Variants in HNRNPK observed in about 807,000 individuals in gnomAD.
HNRNPK encodes the protein heterogeneous nuclear ribonucleoprotein K, also known as dC-stretch binding protein.
A neutral mutation model predicts 67.0 loss-of-function variants in HNRNPK; 7 were observed. The ratio of observed to expected loss-of-function variants is 0.10; its 90% CI spans 0.06 to 0.20. HNRNPK has a LOEUF of 0.20. Among genes scored for constraint, HNRNPK ranks in the 10% least tolerant of loss-of-function variants. HNRNPK has a pLI of 1.00. For missense variants in HNRNPK, 264 were observed against 606.5 expected (o/e 0.44, Z 5.93); for synonymous variants, 213 against 193.7 (o/e 1.10, Z -0.83).
At position 83,969,180 on chromosome 9, in the gene HNRNPK, T is replaced by TG; in HGVS notation, c.*226_*227insC. On this transcript the variant is annotated 3_prime_UTR_variant, in exon 17 of 17. Transcript: ENST00000376263. ...TTCAATGTTAGTTTTTGCACGCCCT[T>TG]CCCCCCCCCAACCCTGTTTGTAAGG... 1 of 512,972 alleles carries TG rather than the reference T, an allele frequency of 1.9e-6. No homozygotes were observed. Among genetic ancestry groups the TG allele is most frequent in the Non-Finnish European group, 3.5e-6 (1 of 283,642 alleles). 31.8% of individuals were successfully genotyped at this position (512,972 alleles called of 1,614,324 possible). A position where few individuals can be genotyped will look rare whatever the true frequency, so the allele number is the denominator to read the frequency against.
intron 6 of HNRNPK, 179 bp downstream of exon 6, chr9:83,975,283 G>A (rs772965673): frequency 6.5e-5 from 40 of 611,284 alleles, no homozygotes; most frequent in Non-Finnish European, 1.2e-4. Flanking sequence ...GGATCGTTTG[G>A]GTGGGCAACT....
rs1206643904 is a variant in HNRNPK, at chr9:83,969,912, C to T, written c.1361+250G>A. ...TACAATTTTTAACAAGTGGTTTTGGCAGCAGTTTTCACCAGAGAAATGAGA... is the reference window on the plus strand; with the variant it reads ...TACAATTTTTAACAAGTGGTTTTGGTAGCAGTTTTCACCAGAGAAATGAGA... On this transcript the variant is annotated intron_variant, in intron 16 of 16. Coordinates refer to ENST00000376263, the MANE Select transcript of HNRNPK (RefSeq NM_031263.4). 1.3e-5 allele frequency: 8 copies of T among 624,970 alleles called. No individual in the cohort carries two copies. In the Admixed American group the frequency reaches 1.5e-4, roughly 12 times the overall value. The allele number at this position is 624,970 out of a possible 1,614,324, so 38.7% of individuals were successfully genotyped here.
chr9:83,970,661 G>C, intron 15 of HNRNPK, 76 bp downstream of exon 15: 4 of 1,031,814 alleles, frequency 3.9e-6, no homozygotes, highest in Non-Finnish European at 5.9e-6. Context: ...AAAACCTTCT[G>C]AATTAAAAAA....
chr9:83,970,994 A>T, intron 13 of HNRNPK, 82 bp from the exon 14 acceptor site: 1 of 1,388,182 alleles, frequency 7.2e-7, no homozygotes, highest in East Asian at 2.3e-5. Flanking sequence ...ATTTAATAAA[A>T]TGGAGTCTTG....
rs1218105864 is a variant in HNRNPK at position 83,968,281 on chromosome 9, T to G, written c.*1126A>C. 1 of 152,498 alleles carries G rather than the reference T, an allele frequency of 6.6e-6. No individual in the cohort carries two copies. The highest frequency in any genetic ancestry group is 1.5e-5 in the Non-Finnish European group (1 of 68,002). The allele number at this position is 152,498 out of a possible 1,614,324, so 9.4% of individuals were successfully genotyped here. A position where few individuals can be genotyped will look rare whatever the true frequency, so the allele number is the denominator to read the frequency against. On this transcript the variant is annotated 3_prime_UTR_variant, in exon 17 of 17. Transcript: ENST00000376263. Reference sequence around the variant, plus strand: ...CACAGGAACTTTTTTCATCTTTTTTTTTTTTGAATTGTACACAAACATTTC... The same window carrying G: ...CACAGGAACTTTTTTCATCTTTTTTGTTTTTGAATTGTACACAAACATTTC...
Position 83,971,841 on chromosome 9 carries a change from T to TG in HNRNPK, c.953+40dup, listed in dbSNP as rs768584297. 7.7e-6 allele frequency: 12 copies of TG among 1,563,212 alleles called. No homozygotes were observed. In the South Asian group the frequency reaches 1.4e-4, roughly 18 times the overall value. ...CTCTTGCAGGTTAATAATTCATAGA[T>TG]GGGGGAAGAAAAAACAACAACAACA... On this transcript the variant is annotated intron_variant, in intron 11 of 16. Transcript: ENST00000376263.
Position 83,973,918 on chromosome 9 carries a change from G to T in HNRNPK, c.386C>A (p.Ala129Asp). The T allele has an allele frequency of 6.2e-7, 1 of 1,613,564 alleles. No homozygotes were observed. Among genetic ancestry groups the T allele is most frequent in the Non-Finnish European group, 8.5e-7 (1 of 1,179,562 alleles). ...ATGACATACATTTAAGCATTCCACA[G>T]CATCAGATTCGAGCGGGAGCTGGCT... is the stretch of plus-strand genomic sequence containing the variant. The part of the protein sequence containing the change: ...ATSQLPLESD[A>D]VECLNYQHYK... The change falls in exon 8 of 17, where the codon GCT (alanine) becomes GAT (aspartate). Residue 129 changes from alanine to aspartate, a missense_variant. This residue lies in a region of HNRNPK where 39 missense variants were observed against 54.4 expected (regional missense o/e 0.72). Transcript: ENST00000376263.
intron 1 of HNRNPK, among the ~76,000 whole-genome samples, chr9:83,979,819 G>A (rs1174074155): frequency 6.6e-6 from 1 of 152,116 alleles, no homozygotes; most frequent in Non-Finnish European, 1.5e-5. Context: ...GGAGACCCAA[G>A]GTGAGGCGGG....
At chr9:83,974,908 G>A (rs982239689) in intron 6 of HNRNPK, among the ~76,000 whole-genome samples, 2 of 152,184 alleles carry the variant, frequency 1.3e-5, no homozygotes, top group African/African-American at 4.8e-5. Context: ...ACTGAGTTAA[G>A]GATACCCTTG....
upstream of HNRNPK, chr9:83,980,389 G>A (rs1384998973): frequency 6.6e-6 from 1 of 152,642 alleles, no homozygotes. Flanking sequence ...TTCGGGCTGG[G>A]AGGCCACTAA....
chr9:83,978,977 A>G (rs1957213338), intron 1 of HNRNPK, among the ~76,000 whole-genome samples: 1 of 152,228 alleles, frequency 6.6e-6, no homozygotes, highest in Admixed American at 6.5e-5. Context: ...GACCAGACCC[A>G]AACTACCACA....
Position 83,970,202 on chromosome 9 carries a change from G to C in HNRNPK, c.1321C>G (p.Gln441Glu). The change falls in exon 16 of 17, where the codon CAG becomes GAG. Residue 441 changes from glutamine (Q) to glutamate (E), a missense_variant. By Grantham distance (29) the Gln-to-Glu change is conservative. Coordinates refer to ENST00000376263, the MANE Select transcript of HNRNPK (RefSeq NM_031263.4). ...EDRIITITGTQDQIQNAQYLL... is the reference protein window; with the variant it reads ...EDRIITITGTEDQIQNAQYLL... ...TACTGTGCATTCTGTATCTGGTCCT[G>C]TGTTCCTGTAATGGTAATGATCCGA... 6.2e-7 allele frequency: 1 copy of C among 1,613,504 alleles called. No homozygotes were observed. Among genetic ancestry groups the C allele is most frequent in the Non-Finnish European group, 8.5e-7 (1 of 1,179,584 alleles).
intron 6 of HNRNPK, among the ~76,000 whole-genome samples, chr9:83,975,154 T>C (rs7872631): frequency 0.034 from 5,102 of 152,236 alleles, 265 homozygotes; most frequent in African/African-American, 0.11. Flanking sequence ...CAGGCAATGT[T>C]GGGAAGCAAG....
intron 16 of HNRNPK, 131 bp from the exon 17 acceptor site, chr9:83,969,571 A>G (rs1739665326): frequency 3.0e-6 from 2 of 673,552 alleles, no homozygotes; most frequent in Non-Finnish European, 5.3e-6. Context: ...TTCAAAAACC[A>G]TTAGCAATTA....
chr9:83,971,818 CTTGCAGGTTA>C, intron 11 of HNRNPK, 54 bp downstream of exon 11: 1 of 1,579,236 alleles, frequency 6.3e-7, no homozygotes, highest in South Asian at 1.1e-5. Flanking sequence ...AGTGCAGCCT[CTTGCAGGTTA>C]ATAATTCATA....
At chr9:83,977,861 T>G (rs575103645) in intron 3 of HNRNPK, 75 bp from the exon 4 acceptor site, 1 of 923,720 alleles carries the variant, frequency 1.1e-6, no homozygotes, top group African/African-American at 1.7e-5. Flanking sequence ...TCAAGAGACT[T>G]GTTGCTAATC....
At chr9:83,976,973 A>G in intron 5 of HNRNPK, 22 bp downstream of exon 5, 1 of 1,446,282 alleles carries the variant, frequency 6.9e-7, no homozygotes, top group Non-Finnish European at 9.7e-7. Context: ...CTCGTGTAGT[A>G]GTTTAAACTC....
chr9:83,978,834 C>T (rs917258916), intron 1 of HNRNPK, among the ~76,000 whole-genome samples: 2 of 152,214 alleles, frequency 1.3e-5, no homozygotes, highest in Non-Finnish European at 2.9e-5. Context: ...CAATTGCTTT[C>T]CTATTTCTTT....
In HNRNPK at chr9:83,970,340, A is replaced by G. The variant is rs1956767868; in HGVS notation, c.1192-9T>C. On this transcript the variant is annotated splice_polypyrimidine_tract_variant and intron_variant, in intron 15 of 16. Transcript: ENST00000376263. ...ATAATAGATCCAGCCAACTGAAAAG[A>G]TTTTTTAAAAGTATGTGTTTACGAT... 1 of 1,605,584 alleles carries G rather than the reference A, an allele frequency of 6.2e-7. No homozygotes were observed. The highest frequency in any genetic ancestry group is 8.5e-7 in the Non-Finnish European group (1 of 1,175,224).
Sources: gnomAD v4.1 joint callset for allele counts (sites outside exome capture counted in the v4.1 genomes callset) on GRCh38, gnomAD v4.1.1 for gene constraint, gnomAD v4.1.1 regional missense constraint, MANE v1.5 for transcripts, NCBI Gene and HGNC (gene_info 2026-07-23, HGNC 2026-07-21) for gene names.